The following CLGN variants were observed in gnomAD, a reference collection of about 807,000 sequenced individuals.
CLGN encodes testis tissue sperm-binding protein Li 79P.
A neutral mutation model predicts 79.1 loss-of-function variants in CLGN; 62 were observed. The ratio of observed to expected loss-of-function variants is 0.78; its 90% CI spans 0.64 to 0.97. The LOEUF (loss-of-function observed/expected upper bound fraction) is 0.97, where lower values mean the gene tolerates loss of function less well. Ranked by LOEUF, CLGN falls within the 50% of genes least tolerant of loss-of-function variation. CLGN has a pLI of 0.00. For synonymous variants in CLGN, 225 were observed against 224.7 expected, an observed-to-expected ratio of 1.00 and a Z score of -0.01; for missense variants, 647 against 715.5, an observed-to-expected ratio of 0.90 and a Z score of 1.09.
intron 4 of CLGN, 22 bp downstream of exon 4, chr4:140,409,815 A>G (rs774844289): frequency 7.3e-6 from 11 of 1,500,974 alleles, no homozygotes; most frequent in Admixed American, 1.8e-5. Flanking sequence ...GGTTATATCT[A>G]ATACTTAAAT....
chr4:140,401,051 G>A (rs1252817782), intron 6 of CLGN, among the ~76,000 whole-genome samples: 1 of 152,070 alleles, frequency 6.6e-6, no homozygotes, highest in Non-Finnish European at 1.5e-5. Flanking sequence ...GGGGCATGGA[G>A]TCAGATACTG....
At chr4:140,413,954 C>T (rs1366696250) in intron 1 of CLGN, among the ~76,000 whole-genome samples, 3 of 152,142 alleles carry the variant, frequency 2.0e-5, no homozygotes, top group Non-Finnish European at 1.5e-5. Flanking sequence ...CTTAAACGTC[C>T]CTGTCTGACA....
intron 1 of CLGN, among the ~76,000 whole-genome samples, chr4:140,425,438 GTGTGT>G (rs1729547170): frequency 2.2e-5 from 2 of 92,478 alleles, no homozygotes; most frequent in Non-Finnish European, 5.5e-5. Flanking sequence ...GGGTGTGTGT[GTGTGT>G]GTGTGTGTGT....
intron 1 of CLGN, among the ~76,000 whole-genome samples, chr4:140,416,413 G>C (rs1259308327): frequency 2.7e-5 from 4 of 147,516 alleles, no homozygotes; most frequent in African/African-American, 1.0e-4. Flanking sequence ...GAATCCAGGA[G>C]CTGGTTTTTT....
chr4:140,401,444 T>C (rs1469753518), intron 6 of CLGN, among the ~76,000 whole-genome samples: 3 of 152,198 alleles, frequency 2.0e-5, no homozygotes, highest in African/African-American at 7.2e-5. Flanking sequence ...ATCGTATTTC[T>C]GTTATATGCA....
intron 4 of CLGN, among the ~76,000 whole-genome samples, chr4:140,406,843 T>C (rs998235181): frequency 1.3e-5 from 2 of 152,216 alleles, no homozygotes; most frequent in African/African-American, 2.4e-5. Context: ...GGTTTTAGAA[T>C]AGAAAATCAA....
Position 140,405,593 on chromosome 4 carries a change from A to AT in CLGN, c.419+348dup, listed in dbSNP as rs552134000. Among the ~76,000 whole-genome samples, 349 of 152,324 alleles carry AT rather than the reference A, an allele frequency of 2.3e-3. 1 individual carries two copies. The highest frequency in any genetic ancestry group is 3.6e-3 in the Non-Finnish European group (243 of 68,024). On this transcript the variant is annotated intron_variant, in intron 5 of 14. Coordinates refer to ENST00000325617, the MANE Select transcript of CLGN (RefSeq NM_004362.3). Reference sequence around the variant, plus strand: ...ACAGTATATATCACATAATTTTTAAATTTTTTTAAGAGAGCCAAACTATTT... The same window carrying AT: ...ACAGTATATATCACATAATTTTTAAATTTTTTTTAAGAGAGCCAAACTATTT...
intron 1 of CLGN, among the ~76,000 whole-genome samples, chr4:140,415,412 G>C (rs1729309099): frequency 6.6e-6 from 1 of 151,234 alleles, no homozygotes; most frequent in South Asian, 2.1e-4. Context: ...TGGCAAATTG[G>C]ATAAAGAGTC....
In CLGN at chr4:140,425,442, G is replaced by GTGTGTC. The variant is rs1304413954; in HGVS notation, c.-10+2094_-10+2095insGACACA. ...CAGAATCAATAGGGTGTGTGTGTGTGTGTGTGTGTGTGTGTGTGTGTGTGT... is the reference window on the plus strand; with the variant it reads ...CAGAATCAATAGGGTGTGTGTGTGTGTGTGTCTGTGTGTGTGTGTGTGTGTGTGTGT... On this transcript the variant is annotated intron_variant, in intron 1 of 14. Coordinates refer to ENST00000325617, the MANE Select transcript of CLGN (RefSeq NM_004362.3). Among the ~76,000 whole-genome samples, 106 of 98,388 alleles carry GTGTGTC rather than the reference G, an allele frequency of 1.1e-3. 1 individual carries two copies. The highest frequency in any genetic ancestry group is 1.4e-3 in the East Asian group (5 of 3,552). The allele number at this position is 98,388 out of a possible 152,430, so 64.5% of individuals were successfully genotyped here. A position where few individuals can be genotyped will look rare whatever the true frequency, so the allele number is the denominator to read the frequency against.
chr4:140,398,517 C>A (rs894484594), intron 8 of CLGN, among the ~76,000 whole-genome samples: 2 of 151,874 alleles, frequency 1.3e-5, no homozygotes, highest in Admixed American at 1.3e-4. Flanking sequence ...GATCTGCCCA[C>A]CTCGGACTCT....
rs80176720 is a variant in CLGN, at chr4:140,402,006, T to G, written c.480A>C (p.Ala160=). The G allele has an allele frequency of 2.5e-6, 4 of 1,572,694 alleles. No individual in the cohort carries two copies. The Admixed American group carries it at 7.2e-5, about 28-fold the overall frequency. Residue 160 remains alanine (A), a synonymous_variant, in exon 6 of 15, where the codon GCA becomes GCC. Coordinates refer to ENST00000325617, the MANE Select transcript of CLGN (RefSeq NM_004362.3). ...DCGGAYIKLL[A]DTDDLILENF... ...ATACCAGAATCAAATCATCAGTGTC[T>G]GCTAGGAGTTTAATGTATGCACCTC...
intron 1 of CLGN, among the ~76,000 whole-genome samples, chr4:140,419,888 T>G (rs1263485586): frequency 6.6e-6 from 1 of 152,120 alleles, no homozygotes; most frequent in Non-Finnish European, 1.5e-5. Context: ...GCACAGAAAT[T>G]TGTATATCTG....
chr4:140,424,728 A>C lies in CLGN; in HGVS notation c.-10+2809T>G, dbSNP rs181650136. ...TCCTCACTCCATGAGGCTTGCTGAG[A>C]TCACTAAATATCAGTTGTGCCTTCA... is the stretch of plus-strand genomic sequence containing the variant. On this transcript the variant is annotated intron_variant, in intron 1 of 14. Transcript: ENST00000325617. Among the ~76,000 whole-genome samples the C allele has an allele frequency of 1.2e-3, 177 of 152,272 alleles. 5 individuals carry two copies. Among genetic ancestry groups the C allele is most frequent in the Non-Finnish European group, 5.9e-5 (4 of 68,020 alleles).
intron 1 of CLGN, among the ~76,000 whole-genome samples, chr4:140,422,288 T>G (rs1355074121): frequency 6.6e-6 from 1 of 152,198 alleles, no homozygotes; most frequent in Non-Finnish European, 1.5e-5. Flanking sequence ...AATTTTACTA[T>G]TCTTGCAAAA....
Position 140,412,921 on chromosome 4 carries a change from C to A in CLGN, c.144+14G>T. 6.2e-7 allele frequency: 1 copy of A among 1,609,388 alleles called. No individual in the cohort carries two copies. The highest frequency in any genetic ancestry group is 8.5e-7 in the Non-Finnish European group (1 of 1,176,808). Reference sequence around the variant, plus strand: ...TAAAGGAATAATTTATAACCCATTTCTCAATAACCATACCTCTGAGGAAAG... The same window carrying A: ...TAAAGGAATAATTTATAACCCATTTATCAATAACCATACCTCTGAGGAAAG... On this transcript the variant is annotated intron_variant, in intron 2 of 14. Coordinates refer to ENST00000325617, the MANE Select transcript of CLGN (RefSeq NM_004362.3).
rs757318226 is a variant in CLGN at position 140,398,868 on chromosome 4, G to A, written c.867C>T (p.Ala289=). The change falls in exon 8 of 15, where the codon GCC becomes GCT. Residue 289 remains alanine, a synonymous_variant. Coordinates refer to ENST00000325617, the MANE Select transcript of CLGN (RefSeq NM_004362.3). ...DERAKIPDPS[A]VKPEDWDESE... is the part of the protein sequence containing the mutation. Reference sequence around the variant, plus strand: ...TTGCTTACCAGTCTTCTGGTTTGACGGCAGAAGGATCAGGAATTTTTGCTC... The same window carrying A: ...TTGCTTACCAGTCTTCTGGTTTGACAGCAGAAGGATCAGGAATTTTTGCTC... 1.2e-5 allele frequency: 19 copies of A among 1,613,704 alleles called. No homozygotes were observed. The highest frequency in any genetic ancestry group is 2.2e-5 in the East Asian group (1 of 44,818).
intron 1 of CLGN, among the ~76,000 whole-genome samples, chr4:140,424,937 T>G (rs747814390): frequency 2.0e-5 from 3 of 152,174 alleles, no homozygotes; most frequent in Non-Finnish European, 4.4e-5. Flanking sequence ...CTGGTCTACT[T>G]TAAATAATTA....
Position 140,412,916 on chromosome 4 carries a change from C to A in CLGN, c.144+19G>T, listed in dbSNP as rs918953106. 2 of 1,604,700 alleles carry A rather than the reference C, an allele frequency of 1.2e-6. No individual in the cohort carries two copies. Among genetic ancestry groups the A allele is most frequent in the African/African-American group, 2.7e-5 (2 of 74,728 alleles). ...CTATGTAAAGGAATAATTTATAACC[C>A]ATTTCTCAATAACCATACCTCTGAG... On this transcript the variant is annotated intron_variant, in intron 2 of 14. Coordinates refer to ENST00000325617, the MANE Select transcript of CLGN (RefSeq NM_004362.3).
chr4:140,397,081 C>T (rs1172208845), intron 8 of CLGN, among the ~76,000 whole-genome samples: 2 of 151,218 alleles, frequency 1.3e-5, no homozygotes, highest in African/African-American at 4.9e-5. Context: ...AGTGAATGTC[C>T]TAGAATATAT....
Sources: gnomAD v4.1 joint callset for allele counts (sites outside exome capture counted in the v4.1 genomes callset) on GRCh38, gnomAD v4.1.1 for gene constraint, MANE v1.5 for transcripts, NCBI Gene and HGNC (gene_info 2026-07-23, HGNC 2026-07-21) for gene names.